Variants in CFAP206 observed in about 807,000 individuals in gnomAD.
The protein encoded by CFAP206 is cilia and flagella associated protein 206.
Under a neutral mutation model 65.4 loss-of-function variants are expected in CFAP206, and 53 were observed. The observed-to-expected ratio is 0.81, with a 90% CI of 0.65 to 1.02. The LOEUF is 1.02. CFAP206 is among the 50% of genes least tolerant of loss of function. The pLI is 0.00. For missense variants in CFAP206, 663 were observed against 753.2 expected (o/e 0.88, Z 1.40); for synonymous variants, 250 against 254.4 (o/e 0.98, Z 0.17).
At chr6:87,412,829 T>C (rs879726136) in intron 3 of CFAP206, among the ~76,000 whole-genome samples, 2 of 151,952 alleles carry the variant, frequency 1.3e-5, no homozygotes, top group African/African-American at 4.8e-5. Context: ...CCTGGCTAAT[T>C]GTTGTATTTT....
chr6:87,449,558 T>C (rs9450688), intron 11 of CFAP206, among the ~76,000 whole-genome samples: 86,890 of 151,916 alleles, frequency 0.57, 25,028 homozygotes, highest in Admixed American at 0.66. Flanking sequence ...TGATTGTGCA[T>C]TTCCCTGATG....
At chr6:87,416,275 C>T (rs1421403233) in intron 5 of CFAP206, among the ~76,000 whole-genome samples, 1 of 152,124 alleles carries the variant, frequency 6.6e-6, no homozygotes, top group African/African-American at 2.4e-5. Context: ...ACCATTTTAT[C>T]CTTAGGAAGT....
At chr6:87,411,819 C>G (rs1490280915) in intron 3 of CFAP206, among the ~76,000 whole-genome samples, 2 of 152,188 alleles carry the variant, frequency 1.3e-5, no homozygotes, top group Admixed American at 1.3e-4. Flanking sequence ...GATCACCTGA[C>G]TGCAGGTATG....
intron 11 of CFAP206, among the ~76,000 whole-genome samples, chr6:87,445,673 G>T (rs1768429942): frequency 6.6e-6 from 1 of 152,160 alleles, no homozygotes; most frequent in African/African-American, 2.4e-5. Context: ...ACATACACAT[G>T]CATGTATCTT....
intron 11 of CFAP206, among the ~76,000 whole-genome samples, chr6:87,448,725 C>T (rs1207077154): frequency 1.3e-5 from 2 of 151,972 alleles, no homozygotes; most frequent in Non-Finnish European, 2.9e-5. Flanking sequence ...ATGGGATCAA[C>T]TTTTTTAGCT....
Position 87,434,843 on chromosome 6 carries a change from TC to T in CFAP206, c.1301-16del. On this transcript the variant is annotated splice_polypyrimidine_tract_variant and intron_variant, in intron 10 of 12. Coordinates refer to ENST00000369562, the MANE Select transcript of CFAP206 (RefSeq NM_001031743.3). ...GTGATCAAGACATTTCATATCTAATTCTTTTTTTATTTTCAGGAAATCCAGC... is the reference window on the plus strand; with the variant it reads ...GTGATCAAGACATTTCATATCTAATTTTTTTTTATTTTCAGGAAATCCAGC... 1 of 1,247,944 alleles carries T rather than the reference TC, an allele frequency of 8.0e-7. No individual in the cohort carries two copies. The highest frequency in any genetic ancestry group is 1.1e-6 in the Non-Finnish European group (1 of 893,376). The allele number at this position is 1,247,944 out of a possible 1,614,324, so 77.3% of individuals were successfully genotyped here.
At chr6:87,418,475 C>A in intron 7 of CFAP206, 59 bp downstream of exon 7, 1 of 1,420,242 alleles carries the variant, frequency 7.0e-7, no homozygotes, top group Non-Finnish European at 9.9e-7. Flanking sequence ...TTATATAAGG[C>A]CACATCAGGT....
At position 87,452,643 on chromosome 6, in the gene CFAP206, A is replaced by C. The variant is rs558144479; in HGVS notation, c.1495-8379A>C. ...CAGATAAATTTAACAAAGAGATTGA[A>C]ATAATTAAAAACAAGAAATTCTGGA... On this transcript the variant is annotated intron_variant, in intron 11 of 12. Coordinates refer to ENST00000369562, the MANE Select transcript of CFAP206 (RefSeq NM_001031743.3). Among the ~76,000 whole-genome samples the C allele has an allele frequency of 1.7e-4, 26 of 152,238 alleles. No homozygotes were observed. In the South Asian group the frequency reaches 5.2e-3, roughly 30 times the overall value.
intron 11 of CFAP206, among the ~76,000 whole-genome samples, chr6:87,448,799 G>A (rs1007132700): frequency 6.6e-6 from 1 of 151,980 alleles, no homozygotes; most frequent in Non-Finnish European, 1.5e-5. Flanking sequence ...TTAACATAAT[G>A]TCCTCCAGTT....
Position 87,413,856 on chromosome 6 carries a change from C to G in CFAP206, c.239C>G (p.Thr80Ser), listed in dbSNP as rs777957063. 1.3e-6 allele frequency: 2 copies of G among 1,561,150 alleles called. No individual in the cohort carries two copies. The highest frequency in any genetic ancestry group is 1.4e-5 in the African/African-American group (1 of 71,566). The change falls in exon 4 of 13, where the codon ACT (threonine) becomes AGT (serine). Residue 80 changes from threonine (T) to serine (S), a missense_variant. Coordinates refer to ENST00000369562, the MANE Select transcript of CFAP206 (RefSeq NM_001031743.3). ...GATACTAAAAATCCATCCCTGGACA[C>G]TATTAAGATGCAAGTCTACTTCGAT... ...LLDTKNPSLD[T>S]IKMQVYFDMN... is the part of the protein sequence containing the mutation.
At position 87,418,281 on chromosome 6, in the gene CFAP206, C is replaced by T. The variant is rs761459048; in HGVS notation, c.705C>T (p.Ser235=). ...ATTACCAGCTTGAGACTGCCCGGAG[C>T]CAGGTATACCGCTACACAGCCATCC... The part of the protein sequence containing the change: ...HIDYQLETAR[S]QVYRYTAILE... The change falls in exon 7 of 13, where the codon AGC becomes AGT. Residue 235 remains serine, a synonymous_variant. Transcript: ENST00000369562. 1 of 1,614,142 alleles carries T rather than the reference C, an allele frequency of 6.2e-7. No homozygotes were observed. The highest frequency in any genetic ancestry group is 1.1e-5 in the South Asian group (1 of 91,082).
rs184363997 is a variant in CFAP206, at chr6:87,452,989, C to T, written c.1495-8033C>T. Among the ~76,000 whole-genome samples, 38 of 151,936 alleles carry T rather than the reference C, an allele frequency of 2.5e-4. No homozygotes were observed. The East Asian group carries it at 6.2e-3, about 25-fold the overall frequency. On this transcript the variant is annotated intron_variant, in intron 11 of 12. Transcript: ENST00000369562. Reference sequence around the variant, plus strand: ...ATTCAAGTATAAGAAGGTTATAAAACGTCAAGCAGATTTAACCCAAATACT... The same window carrying T: ...ATTCAAGTATAAGAAGGTTATAAAATGTCAAGCAGATTTAACCCAAATACT...
At chr6:87,418,099 GGGA>G in intron 6 of CFAP206, 106 bp from the exon 7 acceptor site, 1 of 941,848 alleles carries the variant, frequency 1.1e-6, no homozygotes, top group Non-Finnish European at 1.6e-6. Flanking sequence ...AATTTGATTG[GGGA>G]GAAAAACCCT....
At position 87,418,276 on chromosome 6, in the gene CFAP206, C is replaced by A. The variant is rs140079201; in HGVS notation, c.700C>A (p.Arg234=). The A allele has an allele frequency of 1.4e-5, 22 of 1,613,946 alleles. No individual in the cohort carries two copies. Among genetic ancestry groups the A allele is most frequent in the African/African-American group, 2.7e-5 (2 of 74,868 alleles). ...TATTGATTACCAGCTTGAGACTGCC[C>A]GGAGCCAGGTATACCGCTACACAGC... is the stretch of plus-strand genomic sequence containing the variant. ...QHIDYQLETA[R]SQVYRYTAIL... Residue 234 remains arginine, a synonymous_variant, in exon 7 of 13, where the codon CGG becomes AGG. Transcript: ENST00000369562.
At chr6:87,412,133 T>C (rs1767745091) in intron 3 of CFAP206, among the ~76,000 whole-genome samples, 1 of 152,260 alleles carries the variant, frequency 6.6e-6, no homozygotes, top group African/African-American at 2.4e-5. Context: ...AATATACTTT[T>C]AGTACGACAG....
At position 87,413,875 on chromosome 6, in the gene CFAP206, C is replaced by T; in HGVS notation, c.258C>T (p.Tyr86=). The change falls in exon 4 of 13, where the codon TAC becomes TAT. Residue 86 remains tyrosine, a synonymous_variant. Transcript: ENST00000369562. ...PSLDTIKMQV[Y]FDMNYTNRVE... is the part of the protein sequence containing the mutation. ...TGGACACTATTAAGATGCAAGTCTA[C>T]TTCGATATGAATTATACGAATCGAG... 1 of 1,549,520 alleles carries T rather than the reference C, an allele frequency of 6.5e-7. No individual in the cohort carries two copies.
chr6:87,433,274 AC>A (rs1432436219), intron 10 of CFAP206, among the ~76,000 whole-genome samples: 1 of 152,060 alleles, frequency 6.6e-6, no homozygotes, highest in Non-Finnish European at 1.5e-5. Flanking sequence ...TCACTCTGTG[AC>A]CTATGATATA....
intron 11 of CFAP206, among the ~76,000 whole-genome samples, chr6:87,458,382 G>A (rs998709392): frequency 6.6e-6 from 1 of 152,108 alleles, no homozygotes; most frequent in Non-Finnish European, 1.5e-5. Context: ...ATTTATTACA[G>A]CACTATCCAC....
rs1000502355 is a variant in CFAP206, at chr6:87,413,696, TGAATCAATATCAG to T, written c.193-110_193-98del. On this transcript the variant is annotated intron_variant, in intron 3 of 12. Coordinates refer to ENST00000369562, the MANE Select transcript of CFAP206 (RefSeq NM_001031743.3). ...AAAAAAAAATAAAAGGGGTTATTGG[TGAATCAATATCAG>T]GAACCACTGCTTTTCCCTTTATTTT... The T allele has an allele frequency of 8.4e-5, 54 of 641,844 alleles. No homozygotes were observed. The African/African-American group carries it at 9.6e-4, about 11-fold the overall frequency. 39.8% of individuals were successfully genotyped at this position (641,844 alleles called of 1,614,324 possible). A position where few individuals can be genotyped will look rare whatever the true frequency, so the allele number is the denominator to read the frequency against.
Sources: allele counts gnomAD v4.1 joint callset (sites outside exome capture counted in the v4.1 genomes callset), GRCh38; gene constraint gnomAD v4.1.1; transcripts MANE v1.5; gene names NCBI Gene and HGNC (gene_info 2026-07-23, HGNC 2026-07-21).